Variants in BLM observed in about 807,000 individuals in gnomAD.
BLM encodes the protein recQ-like DNA helicase BLM.
BLM carries 95 observed loss-of-function variants against 135.3 expected under a neutral mutation model. That is an observed-to-expected ratio of 0.70 (90% CI 0.59 to 0.83). The LOEUF is 0.83. Ranked by LOEUF, BLM falls within the 40% of genes least tolerant of loss-of-function variation. The pLI, the probability that BLM is intolerant of heterozygous loss-of-function variation, is 0.00. For missense variants in BLM, 1,518 were observed against 1,663.9 expected (o/e 0.91, Z 1.53); for synonymous variants, 520 against 589.2 (o/e 0.88, Z 1.70).
chr15:90,749,937 A>G lies in BLM; in HGVS notation c.669A>G (p.Glu223=), dbSNP rs771586371. 1 of 1,614,126 alleles carries G rather than the reference A, an allele frequency of 6.2e-7. No individual in the cohort carries two copies. The highest frequency in any genetic ancestry group is 8.5e-7 in the Non-Finnish European group (1 of 1,179,940). ...GCGAGCAAATAGATTTGACTGAGGAACAGAAGGATGACTCAGAATGGTTAA... is the reference window on the plus strand; with the variant it reads ...GCGAGCAAATAGATTTGACTGAGGAGCAGAAGGATGACTCAGAATGGTTAA... The part of the protein sequence containing the change: ...SESEQIDLTE[E]QKDDSEWLSS... The change falls in exon 3 of 22, where the codon GAA becomes GAG. Residue 223 remains glutamate (E), a synonymous_variant. Coordinates refer to ENST00000355112, the MANE Select transcript of BLM (RefSeq NM_000057.4).
chr15:90,750,358 A>G (rs1443432356), intron 3 of BLM, among the ~76,000 whole-genome samples: 3 of 152,104 alleles, frequency 2.0e-5, no homozygotes, highest in Admixed American at 6.5e-5. Flanking sequence ...GGTTTCAGTT[A>G]CCCGCAGCCG....
intron 1 of BLM, 123 bp from the exon 2 acceptor site, chr15:90,747,265 TC>T: frequency 3.4e-6 from 1 of 290,672 alleles, no homozygotes; most frequent in South Asian, 4.3e-5. Flanking sequence ...AAAAAAAAAG[TC>T]CTATTACTCT....
intron 14 of BLM, 69 bp downstream of exon 14, chr15:90,785,150 T>G (rs971320924): frequency 2.7e-6 from 4 of 1,493,814 alleles, no homozygotes; most frequent in Non-Finnish European, 3.7e-6. Flanking sequence ...CATGCACATG[T>G]AGAATGCAAA....
chr15:90,752,853 C>T (rs112200219), intron 4 of BLM, among the ~76,000 whole-genome samples: 216 of 152,236 alleles, frequency 1.4e-3, no homozygotes, highest in African/African-American at 4.8e-3. Flanking sequence ...CAATTCTAAA[C>T]CAGCATTCTC....
chr15:90,731,754 A>G (rs1895074736), intron 1 of BLM, among the ~76,000 whole-genome samples: 1 of 152,088 alleles, frequency 6.6e-6, no homozygotes, highest in Admixed American at 6.5e-5. Context: ...TTTACAGAAC[A>G]AACTTGGTTT....
chr15:90,761,314 T>C, intron 7 of BLM, 59 bp downstream of exon 7: 2 of 1,250,324 alleles, frequency 1.6e-6, no homozygotes, highest in Non-Finnish European at 2.1e-6. Context: ...AAATAGGAAT[T>C]ATATAAGAAA....
intron 5 of BLM, among the ~76,000 whole-genome samples, chr15:90,757,588 C>G (rs548151733): frequency 6.6e-6 from 1 of 152,272 alleles, no homozygotes; most frequent in African/African-American, 2.4e-5. Context: ...CCAAATTTCC[C>G]AGGCCATTCT....
rs1164177772 is a variant in BLM, at chr15:90,789,302, C to G, written c.2824-1347C>G. Among the ~76,000 whole-genome samples the G allele has an allele frequency of 3.9e-5, 6 of 152,082 alleles. No homozygotes were observed. In the East Asian group the frequency reaches 1.2e-3, roughly 29 times the overall value. ...AGAAGGAAATCACAATTAAACAAAG[C>G]CACTTTTCCCAATTTCAAGAAATAA... On this transcript the variant is annotated intron_variant, in intron 14 of 21. Coordinates refer to ENST00000355112, the MANE Select transcript of BLM (RefSeq NM_000057.4).
intron 15 of BLM, among the ~76,000 whole-genome samples, chr15:90,791,287 C>T (rs28385078): frequency 0.055 from 8,429 of 152,214 alleles, 290 homozygotes; most frequent in Non-Finnish European, 0.069. Context: ...CCCACCACCC[C>T]ATAGCCTCTC....
intron 12 of BLM, among the ~76,000 whole-genome samples, chr15:90,780,374 C>T (rs1045724486): frequency 4.6e-5 from 7 of 152,076 alleles, no homozygotes; most frequent in East Asian, 1.9e-4. Context: ...TGAGCCACCG[C>T]GCCCGTCCAG....
chr15:90,797,314 G>C (rs561295822), intron 16 of BLM, among the ~76,000 whole-genome samples: 1 of 151,478 alleles, frequency 6.6e-6, no homozygotes, highest in Non-Finnish European at 1.5e-5. Flanking sequence ...TACTCAGGAG[G>C]CTGAGGCAGG....
rs1896736507 is a variant in BLM at position 90,785,953 on chromosome 15, A to G, written c.2823+872A>G. ...TATATGGATATAACACAGTTTGTTTATCTACTCATCAGCTGGTTAGACATT... is the reference window on the plus strand; with the variant it reads ...TATATGGATATAACACAGTTTGTTTGTCTACTCATCAGCTGGTTAGACATT... On this transcript the variant is annotated intron_variant, in intron 14 of 21. Coordinates refer to ENST00000355112, the MANE Select transcript of BLM (RefSeq NM_000057.4). Among the ~76,000 whole-genome samples, 4 of 144,134 alleles carry G rather than the reference A, an allele frequency of 2.8e-5. No individual in the cohort carries two copies. The Middle Eastern group carries it at 0.011, about 406-fold the overall frequency. 94.6% of individuals were successfully genotyped at this position (144,134 alleles called of 152,430 possible). A position where few individuals can be genotyped will look rare whatever the true frequency, so the allele number is the denominator to read the frequency against.
At chr15:90,771,145 A>T (rs1290219189) in intron 12 of BLM, among the ~76,000 whole-genome samples, 1 of 152,364 alleles carries the variant, frequency 6.6e-6, no homozygotes, top group Middle Eastern at 3.4e-3. Context: ...AATTTGGGGA[A>T]AAATATTTTG....
At chr15:90,762,393 G>T (rs563341643) in intron 7 of BLM, 2 of 153,058 alleles carry the variant, frequency 1.3e-5, no homozygotes, top group African/African-American at 2.4e-5. Flanking sequence ...GCTGAGAAGG[G>T]CTAGTTTAAG....
intron 3 of BLM, 152 bp from the exon 4 acceptor site, chr15:90,751,635 G>A (rs1274644353): frequency 3.1e-6 from 2 of 635,280 alleles, no homozygotes; most frequent in African/African-American, 1.8e-5. Flanking sequence ...GAATAAATAA[G>A]CCAGCATTAG....
intron 1 of BLM, among the ~76,000 whole-genome samples, chr15:90,736,462 A>G (rs1036048522): frequency 1.6e-4 from 25 of 151,810 alleles, no homozygotes; most frequent in African/African-American, 5.6e-4. Context: ...GAGTCTCACC[A>G]TGTTGCCCAG....
chr15:90,777,094 T>C (rs2151173437), intron 12 of BLM, among the ~76,000 whole-genome samples: 1 of 151,162 alleles, frequency 6.6e-6, no homozygotes, highest in East Asian at 2.0e-4. Flanking sequence ...GTTCCTGCCC[T>C]AGCCTCCTGA....
At chr15:90,719,791 A>G (rs556036823) in intron 1 of BLM, among the ~76,000 whole-genome samples, 1 of 152,314 alleles carries the variant, frequency 6.6e-6, no homozygotes, top group South Asian at 2.1e-4. Context: ...AAAAATGGAT[A>G]GAATAAAGAG....
In BLM at chr15:90,814,917, C is replaced by T. The variant is rs55821650; in HGVS notation, c.4077-185C>T. On this transcript the variant is annotated intron_variant, in intron 21 of 21. Coordinates refer to ENST00000355112, the MANE Select transcript of BLM (RefSeq NM_000057.4). The stretch of plus-strand genomic sequence containing the variant: ...ATCCAGAACAAATTTATATGAAGGG[C>T]CGCGGTCCTTTATTCCATAAGTAGT... Among the ~76,000 whole-genome samples the T allele has an allele frequency of 5.0e-3, 763 of 152,232 alleles. 6 individuals carry two copies. The highest frequency in any genetic ancestry group is 0.016 in the African/African-American group (682 of 41,512).
Sources: gnomAD v4.1 joint callset for allele counts (sites outside exome capture counted in the v4.1 genomes callset) on GRCh38, gnomAD v4.1.1 for gene constraint, MANE v1.5 for transcripts, NCBI Gene and HGNC (gene_info 2026-07-23, HGNC 2026-07-21) for gene names.